Variants in LBP observed in about 807,000 individuals in gnomAD.
The protein encoded by LBP is lipopolysaccharide binding protein.
A neutral mutation model predicts 56.6 loss-of-function variants in LBP; 53 were observed. The ratio of observed to expected loss-of-function variants is 0.94; its 90% CI spans 0.75 to 1.18. The LOEUF is 1.18. Ranked by LOEUF, LBP falls within the 50% of genes most tolerant of loss-of-function variation. LBP has a pLI of 0.00. For synonymous variants in LBP, 227 were observed against 247.5 expected (o/e 0.92, Z 0.78); for missense variants, 601 against 598.3 (o/e 1.00, Z -0.05).
chr20:38,370,323 C>T (rs986426538), intron 10 of LBP, among the ~76,000 whole-genome samples: 3 of 152,054 alleles, frequency 2.0e-5, no homozygotes, highest in African/African-American at 4.8e-5. Flanking sequence ...CTGCAGTGAG[C>T]CATGATTGCA....
At chr20:38,371,153 C>T (rs749019969) in intron 11 of LBP, 127 bp from the exon 12 acceptor site, 105 of 698,102 alleles carry the variant, frequency 1.5e-4, no homozygotes, top group Non-Finnish European at 3.8e-5. Flanking sequence ...ATCTTTTCCA[C>T]TCCTGCTCCC....
chr20:38,354,494 A>T lies in LBP; in HGVS notation c.524+55A>T, dbSNP rs1348426809. 4 of 1,522,796 alleles carry T rather than the reference A, an allele frequency of 2.6e-6. No individual in the cohort carries two copies. In the Admixed American group the frequency reaches 7.6e-5, roughly 29 times the overall value. The allele number at this position is 1,522,796 out of a possible 1,614,324, so 94.3% of individuals were successfully genotyped here. ...GACTCCTGGTTGCAGCTCCCGGCCA[A>T]TCCAGCGCTCAGCCTGGCCTCCGAT... On this transcript the variant is annotated intron_variant, in intron 4 of 14. Coordinates refer to ENST00000217407, the MANE Select transcript of LBP (RefSeq NM_004139.5).
intron 5 of LBP, among the ~76,000 whole-genome samples, chr20:38,358,168 T>A (rs1326703486): frequency 6.6e-6 from 1 of 152,186 alleles, no homozygotes; most frequent in Non-Finnish European, 1.5e-5. Context: ...ACTCTAGTTA[T>A]AACACCACTG....
intron 5 of LBP, among the ~76,000 whole-genome samples, chr20:38,357,206 T>G (rs1600724791): frequency 6.6e-6 from 1 of 152,166 alleles, no homozygotes; most frequent in Non-Finnish European, 1.5e-5. Context: ...ATTTTCCACA[T>G]GGACAGAGGA....
chr20:38,356,475 C>G (rs1469088243), intron 5 of LBP, among the ~76,000 whole-genome samples: 3 of 149,280 alleles, frequency 2.0e-5, no homozygotes, highest in Admixed American at 2.0e-4. Context: ...TAGGTCCAAC[C>G]TCTGGTTTGG....
chr20:38,348,887 G>A (rs1219787814), intron 1 of LBP, among the ~76,000 whole-genome samples: 8 of 151,188 alleles, frequency 5.3e-5, no homozygotes, highest in East Asian at 2.0e-4. Context: ...TCTGCCTCCC[G>A]GGTTCAAGTG....
chr20:38,374,071 A>G, intron 14 of LBP, 58 bp downstream of exon 14: 1 of 1,539,324 alleles, frequency 6.5e-7, no homozygotes, highest in South Asian at 1.1e-5. Context: ...TTTGCATGCT[A>G]GCTTTGGGGC....
At chr20:38,347,997 A>C (rs963089865) in intron 1 of LBP, among the ~76,000 whole-genome samples, 2 of 152,210 alleles carry the variant, frequency 1.3e-5, no homozygotes, top group Admixed American at 1.3e-4. Context: ...GGATATAGTA[A>C]AATGGAAAAG....
intron 12 of LBP, among the ~76,000 whole-genome samples, chr20:38,372,657 C>T (rs985789065): frequency 5.3e-5 from 8 of 152,134 alleles, no homozygotes; most frequent in Non-Finnish European, 7.3e-5. Flanking sequence ...AAGATTGAAT[C>T]AGACATGCAC....
chr20:38,368,456 G>A lies in LBP; in HGVS notation c.982-539G>A, dbSNP rs113762757. ...CTCTACTAAAAATACAAAATTAGCC[G>A]GGTGTGGTGGTGCACACCTGTAATC... is the stretch of plus-strand genomic sequence containing the variant. On this transcript the variant is annotated intron_variant, in intron 9 of 14. Transcript: ENST00000217407. 6.9e-3 allele frequency among the ~76,000 whole-genome samples: 1,045 copies of A among 152,084 alleles called. 10 individuals carry two copies. Among genetic ancestry groups the A allele is most frequent in the African/African-American group, 0.019 (801 of 41,478 alleles).
chr20:38,355,485 T>G, intron 5 of LBP, 76 bp downstream of exon 5: 1 of 1,298,912 alleles, frequency 7.7e-7, no homozygotes. Flanking sequence ...CCAATGGCCC[T>G]GGACCAGGCC....
intron 5 of LBP, among the ~76,000 whole-genome samples, chr20:38,360,015 G>C (rs1369416760): frequency 2.6e-5 from 4 of 152,146 alleles, no homozygotes; most frequent in African/African-American, 9.7e-5. Flanking sequence ...ACTTTGGGAG[G>C]CCAAGGCAGG....
intron 8 of LBP, among the ~76,000 whole-genome samples, chr20:38,365,343 GT>G (rs2076876859): frequency 6.6e-6 from 1 of 151,176 alleles, no homozygotes; most frequent in South Asian, 2.1e-4. Flanking sequence ...GTCTAGACTT[GT>G]TAGTCTAATT....
At chr20:38,346,775 C>G (rs2122589687) in intron 1 of LBP, 135 bp downstream of exon 1, 3 of 1,259,982 alleles carry the variant, frequency 2.4e-6, no homozygotes, top group Middle Eastern at 2.1e-4. Context: ...TCAGGTGGCT[C>G]TGGCTCCTAT....
At position 38,370,765 on chromosome 20, in the gene LBP, T is replaced by A; in HGVS notation, c.1177T>A (p.Phe393Ile). 1 of 1,614,130 alleles carries A rather than the reference T, an allele frequency of 6.2e-7. No individual in the cohort carries two copies. The highest frequency in any genetic ancestry group is 8.5e-7 in the Non-Finnish European group (1 of 1,180,026). Residue 393 changes from phenylalanine to isoleucine, a missense_variant, in exon 11 of 15, where the codon TTC becomes ATC. Coordinates refer to ENST00000217407, the MANE Select transcript of LBP (RefSeq NM_004139.5). ...VATNVSATLT[F>I]NTSKITGFLK... is the part of the protein sequence containing the mutation. ...CACTAATGTGTCCGCCACCTTGACC[T>A]TCAATACCAGCAAGATCACTGGGTT... is the stretch of plus-strand genomic sequence containing the variant.
chr20:38,373,924 C>G lies in LBP; in HGVS notation c.1325-13C>G. ...TTCACCAATCTCTTTCAATGTTGTG[C>G]TTCAACCTCTAGATAAGTTGGCCGA... On this transcript the variant is annotated splice_polypyrimidine_tract_variant and intron_variant, in intron 13 of 14. Coordinates refer to ENST00000217407, the MANE Select transcript of LBP (RefSeq NM_004139.5). 2 of 1,612,466 alleles carry G rather than the reference C, an allele frequency of 1.2e-6. No homozygotes were observed. Among genetic ancestry groups the G allele is most frequent in the South Asian group, 1.1e-5 (1 of 91,038 alleles).
chr20:38,355,772 G>C (rs965528780), intron 5 of LBP, among the ~76,000 whole-genome samples: 56 of 152,238 alleles, frequency 3.7e-4, no homozygotes, highest in African/African-American at 1.3e-3. Flanking sequence ...AAGAGACCAG[G>C]CAGGAAAGCT....
intron 3 of LBP, among the ~76,000 whole-genome samples, chr20:38,352,951 T>C (rs2076825610): frequency 6.6e-6 from 1 of 152,148 alleles, no homozygotes; most frequent in African/African-American, 2.4e-5. Flanking sequence ...TCTGGAAAAT[T>C]TAAAATTACA....
At chr20:38,364,503 T>TTACCTACCCTACCTACGG in intron 7 of LBP, 73 bp from the exon 8 acceptor site, 1 of 1,402,326 alleles carries the variant, frequency 7.1e-7, no homozygotes. Flanking sequence ...CATCGGACTG[T>TTACCTACCCTACCTACGG]GTAGGGGAAT....
Sources: allele counts gnomAD v4.1 joint callset (sites outside exome capture counted in the v4.1 genomes callset), GRCh38; gene constraint gnomAD v4.1.1; transcripts MANE v1.5; gene names NCBI Gene and HGNC (gene_info 2026-07-23, HGNC 2026-07-21).